The following SHISAL2A variants were observed in gnomAD, a reference collection of about 807,000 sequenced individuals.
SHISAL2A encodes protein shisa-like-2A.
In SHISAL2A, 18 loss-of-function variants were observed where a neutral mutation model predicts 11.5. That is an observed-to-expected ratio of 1.57 (90% CI 1.08 to 2.33). The LOEUF is 2.33. Ranked by LOEUF, SHISAL2A falls within the 30% of genes most tolerant of loss-of-function variation. SHISAL2A has a pLI of 0.00. For synonymous variants in SHISAL2A, 94 were observed against 99.6 expected (o/e 0.94, Z 0.34); for missense variants, 261 against 250.9 (o/e 1.04, Z -0.27).
chr1:52,656,561 C>A (rs1691793992), intron 2 of SHISAL2A, among the ~76,000 whole-genome samples: 1 of 152,204 alleles, frequency 6.6e-6, no homozygotes, highest in Non-Finnish European at 1.5e-5. Context: ...TAGCTCTTAA[C>A]AATTGTTTCT....
intron 1 of SHISAL2A, among the ~76,000 whole-genome samples, chr1:52,638,023 A>C (rs1423914647): frequency 1.3e-5 from 2 of 152,154 alleles, no homozygotes; most frequent in African/African-American, 4.8e-5. Flanking sequence ...CAGTACATTC[A>C]CCATGGAACA....
downstream of SHISAL2A, among the ~76,000 whole-genome samples, chr1:52,658,535 G>A (rs188828037): frequency 2.0e-5 from 3 of 152,246 alleles, no homozygotes; most frequent in Non-Finnish European, 4.4e-5. Context: ...ATCTATATAA[G>A]CTGGAATCTT....
intron 1 of SHISAL2A, among the ~76,000 whole-genome samples, chr1:52,642,202 G>C (rs958541615): frequency 1.3e-5 from 2 of 152,140 alleles, no homozygotes; most frequent in African/African-American, 4.8e-5. Flanking sequence ...CAGCAGTATG[G>C]GGGGGTCCCC....
chr1:52,642,302 T>C (rs1432206580), intron 1 of SHISAL2A, among the ~76,000 whole-genome samples: 1 of 152,032 alleles, frequency 6.6e-6, no homozygotes, highest in African/African-American at 2.4e-5. Flanking sequence ...CAGGTATGAG[T>C]CCTTGGTGGT....
intron 5 of SHISAL2A, chr1:52,667,582 A>T: frequency 5.9e-6 from 1 of 170,232 alleles, no homozygotes; most frequent in Non-Finnish European, 1.2e-5. Flanking sequence ...CCTGTGAGGT[A>T]GGTATTACCT....
Position 52,633,390 on chromosome 1 carries a change from C to T in SHISAL2A, c.-104C>T. ...GGCCCCTGGGTCTCTTCGTCTCTGCCGTTCTCAGGCTCAGCTCCGTCTCGC... is the reference window on the plus strand; with the variant it reads ...GGCCCCTGGGTCTCTTCGTCTCTGCTGTTCTCAGGCTCAGCTCCGTCTCGC... On this transcript the variant is annotated 5_prime_UTR_variant, in exon 1 of 3. Transcript: ENST00000517870. The surrounding 1 kb of genome is among the most constrained non-coding windows in gnomAD (Gnocchi z 6.4). The T allele has an allele frequency of 1.9e-6, 2 of 1,046,890 alleles. No individual in the cohort carries two copies. Among genetic ancestry groups the T allele is most frequent in the Non-Finnish European group, 1.3e-6 (1 of 771,504 alleles). 64.9% of individuals were successfully genotyped at this position (1,046,890 alleles called of 1,614,324 possible). A position where few individuals can be genotyped will look rare whatever the true frequency, so the allele number is the denominator to read the frequency against.
rs988227839 is a variant in SHISAL2A at position 52,633,884 on chromosome 1, C to A, written c.182+209C>A. Among the ~76,000 whole-genome samples, 2 of 152,036 alleles carry A rather than the reference C, an allele frequency of 1.3e-5. No homozygotes were observed. Among genetic ancestry groups the A allele is most frequent in the African/African-American group, 4.8e-5 (2 of 41,370 alleles). ...ACCCCAACCATTATTTAGAGCCATGCTCGGACCTCCCCCTCCTCTAATCCA... is the reference window on the plus strand; with the variant it reads ...ACCCCAACCATTATTTAGAGCCATGATCGGACCTCCCCCTCCTCTAATCCA... On this transcript the variant is annotated intron_variant, in intron 1 of 2. Coordinates refer to ENST00000517870, the MANE Select transcript of SHISAL2A (RefSeq NM_001042693.3). This position sits in a 1 kb window ranked among gnomAD's most constrained non-coding sequence, Gnocchi z 6.4.
At chr1:52,660,244 C>T (rs1691876876), downstream of SHISAL2A, among the ~76,000 whole-genome samples, 1 of 152,126 alleles carries the variant, frequency 6.6e-6, no homozygotes, top group Non-Finnish European at 1.5e-5. Context: ...AGAATTTCCC[C>T]AACAGTTGGA....
chr1:52,637,451 GAC>G, intron 1 of SHISAL2A, among the ~76,000 whole-genome samples: 1 of 152,214 alleles, frequency 6.6e-6, no homozygotes, highest in Non-Finnish European at 1.5e-5. Flanking sequence ...TCCTGGGAGA[GAC>G]AGTGCTCAAG....
upstream of SHISAL2A, among the ~76,000 whole-genome samples, chr1:52,633,033 G>T (rs1253842504): frequency 6.6e-6 from 1 of 151,980 alleles, no homozygotes; most frequent in Non-Finnish European, 1.5e-5. The surrounding 1 kb of genome is among the most constrained non-coding windows in gnomAD (Gnocchi z 6.4). Context: ...GCGCCGGCTC[G>T]GTGCAGGTAA....
At chr1:52,643,981 A>G (rs920389717) in intron 2 of SHISAL2A, among the ~76,000 whole-genome samples, 2 of 152,170 alleles carry the variant, frequency 1.3e-5, no homozygotes, top group Non-Finnish European at 1.5e-5. Context: ...TATTGGCAAA[A>G]GATCTTTCAG....
chr1:52,639,606 A>ACGCCC (rs1228554560), intron 1 of SHISAL2A, among the ~76,000 whole-genome samples: 1 of 151,862 alleles, frequency 6.6e-6, no homozygotes, highest in Non-Finnish European at 1.5e-5. Flanking sequence ...ACAAAAAATT[A>ACGCCC]GCCGGGCGTG....
chr1:52,664,672 T>C (rs1571706402), intron 4 of SHISAL2A, among the ~76,000 whole-genome samples: 1 of 152,216 alleles, frequency 6.6e-6, no homozygotes, highest in African/African-American at 2.4e-5. Context: ...ATTTTTTGTA[T>C]TTTTTAGGAG....
chr1:52,649,251 G>A (rs750624402), intron 2 of SHISAL2A, among the ~76,000 whole-genome samples: 5 of 152,116 alleles, frequency 3.3e-5, no homozygotes, highest in South Asian at 2.1e-4. Context: ...GCTCTCTTGC[G>A]CTTCAATAGG....
chr1:52,655,368 G>C (rs1329431606), intron 2 of SHISAL2A, among the ~76,000 whole-genome samples: 1 of 144,544 alleles, frequency 6.9e-6, no homozygotes, highest in Non-Finnish European at 1.5e-5. Flanking sequence ...TGTAACCCCA[G>C]CAACTTGGGA....
chr1:52,645,831 T>C (rs1450798938), intron 2 of SHISAL2A, among the ~76,000 whole-genome samples: 1 of 152,164 alleles, frequency 6.6e-6, no homozygotes, highest in East Asian at 1.9e-4. Flanking sequence ...TAAATTAACC[T>C]ATACATAAAA....
At chr1:52,645,832 A>G (rs1450201413) in intron 2 of SHISAL2A, among the ~76,000 whole-genome samples, 1 of 152,246 alleles carries the variant, frequency 6.6e-6, no homozygotes, top group East Asian at 1.9e-4. Flanking sequence ...AAATTAACCT[A>G]TACATAAAAA....
In SHISAL2A at chr1:52,638,077, C is replaced by G. The variant is rs536671453; in HGVS notation, c.182+4402C>G. On this transcript the variant is annotated intron_variant, in intron 1 of 2. Coordinates refer to ENST00000517870, the MANE Select transcript of SHISAL2A (RefSeq NM_001042693.3). ...TCATCTCATGCCAAGCACAGATTTT[C>G]CTTCTTTGGAGCCTGCCCTGTTGTT... 6.6e-5 allele frequency among the ~76,000 whole-genome samples: 10 copies of G among 152,296 alleles called. No homozygotes were observed. In the East Asian group the frequency reaches 1.9e-3, roughly 29 times the overall value.
At chr1:52,637,147 T>C (rs1427603906) in intron 1 of SHISAL2A, among the ~76,000 whole-genome samples, 1 of 152,184 alleles carries the variant, frequency 6.6e-6, no homozygotes, top group Non-Finnish European at 1.5e-5. Flanking sequence ...TGTCAGTGTG[T>C]TCCCATTCTG....
Sources: allele counts gnomAD v4.1 joint callset (sites outside exome capture counted in the v4.1 genomes callset), GRCh38; gene constraint gnomAD v4.1.1; non-coding constraint Gnocchi (gnomAD v3.1); transcripts MANE v1.5; gene names NCBI Gene and HGNC (gene_info 2026-07-23, HGNC 2026-07-21).